The following ZNF469 variants were observed in gnomAD, a reference collection of about 807,000 sequenced individuals.
ZNF469 encodes the protein zinc finger protein 469.
Under a neutral mutation model 1.0 loss-of-function variants are expected in ZNF469, and 1 was observed. The ratio of observed to expected loss-of-function variants is 1.00; its 90% CI spans 0.35 to 4.73. The LOEUF is 4.73. Among genes scored for constraint, ZNF469 ranks in the 30% most tolerant of loss-of-function variants. The pLI, the probability that ZNF469 is intolerant of heterozygous loss-of-function variation, is 0.16. For missense variants in ZNF469, 6,100 were observed against 5,356.3 expected (o/e 1.14, Z -4.33); for synonymous variants, 2,703 against 2,363.4 (o/e 1.14, Z -4.17).
the ZNF469 span, among the ~76,000 whole-genome samples, chr16:88,152,482 C>T: frequency 9.3e-4 from 142 of 152,248 alleles, 1 homozygote; most frequent in East Asian, 0.024. The surrounding 1 kb of genome is among the most constrained non-coding windows in gnomAD (Gnocchi z 4.2). Context: ...GTCCCAGATC[C>T]GTGCTGCTGA....
chr16:88,429,989 T>G lies in ZNF469; in HGVS notation c.2519T>G (p.Leu840Arg). 5.2e-6 allele frequency: 8 copies of G among 1,550,280 alleles called. No individual in the cohort carries two copies. Among genetic ancestry groups the G allele is most frequent in the Non-Finnish European group, 7.0e-6 (8 of 1,146,944 alleles). ...CTGGACATGGAGGATGACGCCAAGC[T>G]GGACAGCCTCATCACAGAGGCGCTC... ...SDLDMEDDAKLDSLITEALNG... is the reference protein window; with the variant it reads ...SDLDMEDDAKRDSLITEALNG... Residue 840 changes from leucine (L) to arginine (R), a missense_variant, in exon 3 of 3, where the codon CTG becomes CGG. Leu to Arg is a moderately radical substitution (Grantham distance 102). Coordinates refer to ENST00000565624, the MANE Select transcript of ZNF469 (RefSeq NM_001367624.2).
Position 88,430,963 on chromosome 16 carries a change from C to T in ZNF469, c.3493C>T (p.Pro1165Ser), listed in dbSNP as rs1322673949. Residue 1165 changes from proline (P) to serine (S), a missense_variant, in exon 3 of 3, where the codon CCC becomes TCC. Physicochemically the swap from Pro to Ser is moderately conservative, Grantham distance 74. Transcript: ENST00000565624. ...PEEPGGSRPG[P>S]GRSPQARGPS... Reference sequence around the variant, plus strand: ...GGAGCCGGGCGGGTCTCGCCCGGGCCCCGGCAGGAGCCCTCAGGCCCGTGG... The same window carrying T: ...GGAGCCGGGCGGGTCTCGCCCGGGCTCCGGCAGGAGCCCTCAGGCCCGTGG... The T allele has an allele frequency of 2.0e-6, 3 of 1,536,460 alleles. No homozygotes were observed. Among genetic ancestry groups the T allele is most frequent in the East Asian group, 4.9e-5 (2 of 40,804 alleles).
At chr16:88,239,257 G>T in the ZNF469 span, among the ~76,000 whole-genome samples, 1 of 152,196 alleles carries the variant, frequency 6.6e-6, no homozygotes, top group African/African-American at 2.4e-5. Context: ...TTGTGAGTTG[G>T]GTAGATCAGC....
At chr16:88,140,801 C>T in the ZNF469 span, among the ~76,000 whole-genome samples, 17 of 152,186 alleles carry the variant, frequency 1.1e-4, no homozygotes, top group East Asian at 1.2e-3. Context: ...GGCGTGGTGG[C>T]GGGCGCCTAT....
chr16:88,231,929 C>T, the ZNF469 span, among the ~76,000 whole-genome samples: 1 of 152,174 alleles, frequency 6.6e-6, no homozygotes, highest in African/African-American at 2.4e-5. The surrounding 1 kb of genome is among the most constrained non-coding windows in gnomAD (Gnocchi z 4.5). Context: ...CCGTGATGGG[C>T]TTTTTGGGGT....
the ZNF469 span, chr16:88,191,805 G>A: frequency 5.6e-4 from 86 of 152,362 alleles, 1 homozygote; most frequent in African/African-American, 2.0e-3. Flanking sequence ...TGAAATGTTC[G>A]GTGGGCTATG....
the ZNF469 span, among the ~76,000 whole-genome samples, chr16:88,367,964 A>G: frequency 6.6e-6 from 1 of 152,116 alleles, no homozygotes; most frequent in African/African-American, 2.4e-5. Flanking sequence ...TTCTTATCCT[A>G]ATGCCCGCAG....
rs1036924494 is a variant in ZNF469 at position 88,439,506 on chromosome 16, G to A, written c.*174G>A. 106 of 728,486 alleles carry A rather than the reference G, an allele frequency of 1.5e-4. 2 individuals are homozygous for A. The South Asian group carries it at 1.9e-3, about 13-fold the overall frequency. 45.1% of individuals were successfully genotyped at this position (728,486 alleles called of 1,614,324 possible). On this transcript the variant is annotated 3_prime_UTR_variant, in exon 3 of 3. Coordinates refer to ENST00000565624, the MANE Select transcript of ZNF469 (RefSeq NM_001367624.2). ...TGATGCTTTGAACAGGGCCCAGGTG[G>A]GCAGCATTCCCTTTCTTGCTGGAAG...
the ZNF469 span, among the ~76,000 whole-genome samples, chr16:88,313,452 A>C: frequency 1.3e-5 from 2 of 152,150 alleles, no homozygotes; most frequent in East Asian, 1.9e-4. Flanking sequence ...TCTCTGTCTT[A>C]TTTCACTATC....
At chr16:88,375,114 C>A in the ZNF469 span, among the ~76,000 whole-genome samples, 4 of 152,358 alleles carry the variant, frequency 2.6e-5, no homozygotes, top group South Asian at 8.3e-4. Flanking sequence ...GATGGTCTCT[C>A]AGGCTTTTTC....
chr16:88,385,103 C>T lies in ZNF469; in HGVS notation c.-192+1849C>T, dbSNP rs544851167. Among the ~76,000 whole-genome samples, 147 of 152,272 alleles carry T rather than the reference C, an allele frequency of 9.7e-4. 1 individual carries two copies. Among genetic ancestry groups the T allele is most frequent in the Non-Finnish European group, 1.6e-3 (112 of 68,018 alleles). The stretch of plus-strand genomic sequence containing the variant: ...CTGACTTGACATTCCTGGTCAGGCC[C>T]CATCCTGCCACCTTCCCCTGGGAGA... On this transcript the variant is annotated intron_variant, in intron 1 of 2. Coordinates refer to ENST00000565624, the MANE Select transcript of ZNF469 (RefSeq NM_001367624.2).
At position 88,430,051 on chromosome 16, in the gene ZNF469, G is replaced by A. The variant is rs1342379077; in HGVS notation, c.2581G>A (p.Asp861Asn). The change falls in exon 3 of 3, where the codon GAC becomes AAC. Residue 861 changes from aspartate (D) to asparagine (N), a missense_variant. Coordinates refer to ENST00000565624, the MANE Select transcript of ZNF469 (RefSeq NM_001367624.2). The stretch of plus-strand genomic sequence containing the variant: ...GTACCAGTCGGACAACCCGGAGATC[G>A]ACAGCAGCTTCATCGACGTCTTCGC... ...MEYQSDNPEI[D>N]SSFIDVFADE... The A allele has an allele frequency of 1.9e-6, 3 of 1,550,394 alleles. No homozygotes were observed. Among genetic ancestry groups the A allele is most frequent in the Admixed American group, 2.0e-5 (1 of 51,018 alleles).
chr16:88,138,985 G>C, the ZNF469 span, among the ~76,000 whole-genome samples: 1 of 152,246 alleles, frequency 6.6e-6, no homozygotes, highest in African/African-American at 2.4e-5. Flanking sequence ...TGCTGACAGG[G>C]GGGACCCTGT....
the ZNF469 span, among the ~76,000 whole-genome samples, chr16:88,300,771 T>C: frequency 6.6e-6 from 1 of 152,140 alleles, no homozygotes; most frequent in African/African-American, 2.4e-5. Context: ...TTCTCAGAGC[T>C]AAGCTGTTAG....
chr16:88,364,405 G>A, the ZNF469 span, among the ~76,000 whole-genome samples: 52,948 of 143,142 alleles, frequency 0.37, 10,805 homozygotes, highest in East Asian at 0.73. Context: ...CTTCCAGCAT[G>A]TTCTTCCTTT....
chr16:88,188,042 T>A, the ZNF469 span, among the ~76,000 whole-genome samples: 1 of 151,968 alleles, frequency 6.6e-6, no homozygotes, highest in Admixed American at 6.5e-5. Context: ...CATAACCCCA[T>A]CTCCACTTTG....
the ZNF469 span, among the ~76,000 whole-genome samples, chr16:88,273,624 T>G: frequency 6.6e-6 from 1 of 152,198 alleles, no homozygotes; most frequent in African/African-American, 2.4e-5. Flanking sequence ...CTATATCTGC[T>G]TTATGATTCA....
At chr16:88,231,343 G>C in the ZNF469 span, among the ~76,000 whole-genome samples, 1 of 152,198 alleles carries the variant, frequency 6.6e-6, no homozygotes, top group Non-Finnish European at 1.5e-5. This position sits in a 1 kb window ranked among gnomAD's most constrained non-coding sequence, Gnocchi z 4.5. Flanking sequence ...CCCTGTGAAA[G>C]AGAAGCCCCA....
the ZNF469 span, among the ~76,000 whole-genome samples, chr16:88,125,539 A>C: frequency 6.6e-6 from 1 of 152,222 alleles, no homozygotes; most frequent in East Asian, 1.9e-4. Flanking sequence ...TGCCATCTTA[A>C]CTCTATCGAG....
Sources: gnomAD v4.1 joint callset for allele counts (sites outside exome capture counted in the v4.1 genomes callset) on GRCh38, gnomAD v4.1.1 for gene constraint, Gnocchi (gnomAD v3.1) non-coding constraint, MANE v1.5 for transcripts, NCBI Gene and HGNC (gene_info 2026-07-23, HGNC 2026-07-21) for gene names.